The following SYNE2 variants were observed in gnomAD, a reference collection of about 807,000 sequenced individuals.
SYNE2 encodes nesprin-2.
Under a neutral mutation model 856.3 loss-of-function variants are expected in SYNE2, and 431 were observed. The ratio of observed to expected loss-of-function variants is 0.50; its 90% CI spans 0.47 to 0.55. SYNE2 has a LOEUF of 0.55. Among genes scored for constraint, SYNE2 ranks in the 20% least tolerant of loss-of-function variants. The pLI is 0.00. For missense variants in SYNE2, 8,129 were observed against 8,023.2 expected (o/e 1.01, Z -0.50); for synonymous variants, 2,923 against 2,872.3 (o/e 1.02, Z -0.56).
intron 57 of SYNE2, among the ~76,000 whole-genome samples, chr14:64,086,051 C>A (rs1047545965): frequency 2.6e-5 from 4 of 151,944 alleles, no homozygotes; most frequent in Admixed American, 6.6e-5. Flanking sequence ...ATGGATTATT[C>A]TTTTGTGTTG....
rs2098323531 is a variant in SYNE2 at position 64,160,810 on chromosome 14, T to C, written c.16095-1262T>C. The stretch of plus-strand genomic sequence containing the variant: ...CTGTAATTCTCCCAGAAATCTAGTC[T>C]AAGACTAATATCTTGAAATACAGAA... On this transcript the variant is annotated intron_variant, in intron 87 of 115. Transcript: ENST00000555002. Among the ~76,000 whole-genome samples, 4 of 152,206 alleles carry C rather than the reference T, an allele frequency of 2.6e-5. No individual in the cohort carries two copies. In the South Asian group the frequency reaches 6.2e-4, roughly 24 times the overall value.
chr14:64,173,291 T>C (rs1226237314), intron 94 of SYNE2, among the ~76,000 whole-genome samples: 2 of 152,212 alleles, frequency 1.3e-5, no homozygotes, highest in Non-Finnish European at 2.9e-5. Context: ...AATAGTGTGC[T>C]GTTGACAGAG....
chr14:63,928,889 G>A (rs2095707472), intron 2 of SYNE2, among the ~76,000 whole-genome samples: 1 of 152,010 alleles, frequency 6.6e-6, no homozygotes, highest in Non-Finnish European at 1.5e-5. Flanking sequence ...GTGGGGAATG[G>A]CAACAGGGTC....
At position 64,134,170 on chromosome 14, in the gene SYNE2, A is replaced by G. The variant is rs2098058336; in HGVS notation, c.14616A>G (p.Glu4872=). Reference sequence around the variant, plus strand: ...TGAGTTTGGTGGAAGAAACAGAGGAAAGATTAGTGGAAAGGATTTCATTTT... The same window carrying G: ...TGAGTTTGGTGGAAGAAACAGAGGAGAGATTAGTGGAAAGGATTTCATTTT... ...PSVSLVEETE[E]RLVERISFYQ... The change falls in exon 78 of 116, where the codon GAA becomes GAG. Residue 4872 remains glutamate (E), a synonymous_variant. Transcript: ENST00000555002. 6.2e-7 allele frequency: 1 copy of G among 1,614,034 alleles called. No homozygotes were observed. The highest frequency in any genetic ancestry group is 1.7e-5 in the Admixed American group (1 of 60,002).
intron 2 of SYNE2, among the ~76,000 whole-genome samples, chr14:63,913,397 A>C (rs2095496033): frequency 6.7e-6 from 1 of 149,356 alleles, no homozygotes; most frequent in African/African-American, 2.5e-5. Context: ...ATTCTATATT[A>C]CTCTGGGCAG....
chr14:63,918,129 GT>G (rs2095553758), intron 2 of SYNE2, among the ~76,000 whole-genome samples: 1 of 152,084 alleles, frequency 6.6e-6, no homozygotes. Flanking sequence ...TCGGGTGGGG[GT>G]GTAATTATTC....
intron 1 of SYNE2, among the ~76,000 whole-genome samples, chr14:63,814,429 T>C (rs1299683381): frequency 6.9e-6 from 1 of 145,524 alleles, no homozygotes; most frequent in African/African-American, 2.5e-5. Context: ...TATATATCCT[T>C]ATATATATCC....
intron 66 of SYNE2, among the ~76,000 whole-genome samples, chr14:64,115,712 T>C (rs1375311093): frequency 1.3e-5 from 2 of 152,150 alleles, no homozygotes; most frequent in African/African-American, 4.8e-5. Flanking sequence ...AAAAACCACA[T>C]GGGGCCAACA....
At chr14:64,009,909 A>G in intron 31 of SYNE2, 57 bp from the exon 32 acceptor site, 1 of 1,495,148 alleles carries the variant, frequency 6.7e-7, no homozygotes, top group Non-Finnish European at 9.3e-7. Context: ...TTGCAAAGAG[A>G]AAGAACGGTT....
chr14:64,207,546 C>CAA (rs11330383), intron 100 of SYNE2, among the ~76,000 whole-genome samples: 3 of 132,756 alleles, frequency 2.3e-5, no homozygotes, highest in Admixed American at 1.5e-4. Flanking sequence ...ACCCTTGTCT[C>CAA]AAAAAAAAAA....
At chr14:63,944,713 G>A (rs143569016) in intron 6 of SYNE2, among the ~76,000 whole-genome samples, 26 of 150,080 alleles carry the variant, frequency 1.7e-4, no homozygotes, top group African/African-American at 6.1e-4. Context: ...AAGAGATGGG[G>A]TTTCACCATA....
At position 64,026,690 on chromosome 14, in the gene SYNE2, C is replaced by A. The variant is rs1025453663; in HGVS notation, c.6364C>A (p.Gln2122Lys). 2 of 1,612,148 alleles carry A rather than the reference C, an allele frequency of 1.2e-6. No individual in the cohort carries two copies. Among genetic ancestry groups the A allele is most frequent in the African/African-American group, 2.7e-5 (2 of 75,022 alleles). Reference protein sequence around the residue: ...VQKTLTDISNQWDNTLHLAST... With the variant: ...VQKTLTDISNKWDNTLHLAST... The stretch of plus-strand genomic sequence containing the variant: ...GAAGACCCTCACTGACATCAGCAAC[C>A]AGTGGGACAACACACTCCATTTAGC... The change falls in exon 42 of 116, where the codon CAG becomes AAG. Residue 2122 changes from glutamine to lysine, a missense_variant. By Grantham distance (53) the Gln-to-Lys change is moderately conservative. Around this residue, in one of 3 missense-constraint regions of SYNE2, gnomAD observed 297 missense variants for 380.9 expected, o/e 0.78. Coordinates refer to ENST00000555002, the MANE Select transcript of SYNE2 (RefSeq NM_182914.3).
intron 64 of SYNE2, among the ~76,000 whole-genome samples, chr14:64,106,456 T>A (rs1056642266): frequency 6.6e-6 from 1 of 152,220 alleles, no homozygotes; most frequent in African/African-American, 2.4e-5. Flanking sequence ...AAGATCATCC[T>A]GGCTAAAACG....
At chr14:64,014,447 GA>G (rs1482505550) in intron 32 of SYNE2, among the ~76,000 whole-genome samples, 2 of 151,990 alleles carry the variant, frequency 1.3e-5, no homozygotes, top group Non-Finnish European at 2.9e-5. Flanking sequence ...GTTTGTTTTT[GA>G]TGGAGTCTTG....
At position 63,962,077 on chromosome 14, in the gene SYNE2, GA is replaced by G. The variant is rs1398072752; in HGVS notation, c.888+453del. Among the ~76,000 whole-genome samples the G allele has an allele frequency of 2.0e-5, 3 of 150,800 alleles. No individual in the cohort carries two copies. In the East Asian group the frequency reaches 5.8e-4, roughly 29 times the overall value. ...TGTTTATTTATTTATTTATTTTTGA[GA>G]TGGAGTCTTGCCCTGTCGCCCAGGC... On this transcript the variant is annotated intron_variant, in intron 9 of 115. Transcript: ENST00000555002.
intron 1 of SYNE2, among the ~76,000 whole-genome samples, chr14:63,798,682 C>T (rs1888014787): frequency 6.6e-6 from 1 of 152,114 alleles, no homozygotes; most frequent in Non-Finnish European, 1.5e-5. Flanking sequence ...GCATGAGCCA[C>T]CACGCCTGGC....
intron 92 of SYNE2, 109 bp downstream of exon 92, chr14:64,167,748 G>A: frequency 6.8e-7 from 1 of 1,468,228 alleles, no homozygotes; most frequent in Admixed American, 1.8e-5. Context: ...CCTAAACACA[G>A]AATGTATACC....
chr14:64,201,609 G>C (rs1341962660), intron 99 of SYNE2, among the ~76,000 whole-genome samples: 1 of 152,180 alleles, frequency 6.6e-6, no homozygotes, highest in Non-Finnish European at 1.5e-5. Context: ...GCGTGGATCA[G>C]ACTTGCCTTC....
chr14:63,776,575 T>C (rs895590661), intron 1 of SYNE2, among the ~76,000 whole-genome samples: 2 of 151,294 alleles, frequency 1.3e-5, no homozygotes, highest in Admixed American at 1.3e-4. Flanking sequence ...CACCCAAGAC[T>C]GGGAATTTCT....
Sources: gnomAD v4.1 joint callset for allele counts (sites outside exome capture counted in the v4.1 genomes callset) on GRCh38, gnomAD v4.1.1 for gene constraint, gnomAD v4.1.1 regional missense constraint, MANE v1.5 for transcripts, NCBI Gene and HGNC (gene_info 2026-07-23, HGNC 2026-07-21) for gene names.